TEKTL1: variants seen among roughly 807,000 people sequenced by gnomAD.
The protein encoded by TEKTL1 is tektin-like protein 1.
the TEKTL1 span, among the ~76,000 whole-genome samples, chr19:15,016,710 T>C: frequency 6.6e-6 from 1 of 152,184 alleles, no homozygotes; most frequent in Admixed American, 6.5e-5. Context: ...TCAGCAAGGG[T>C]TTTCCTCAAG....
At chr19:15,018,715 A>AAT in the TEKTL1 span, among the ~76,000 whole-genome samples, 4,800 of 68,260 alleles carry the variant, frequency 0.07, 1,143 homozygotes, top group African/African-American at 0.19. Context: ...CCTATCTCAA[A>AAT]ATATGTATAT....
the TEKTL1 span, among the ~76,000 whole-genome samples, chr19:15,021,043 C>A: frequency 3.3e-5 from 5 of 152,026 alleles, no homozygotes; most frequent in Non-Finnish European, 7.4e-5. Context: ...CCACGCCCGG[C>A]TAATTTTTGT....
At chr19:15,011,068 C>T in the TEKTL1 span, 8 of 1,575,470 alleles carry the variant, frequency 5.1e-6, no homozygotes, top group South Asian at 5.8e-5. Flanking sequence ...TCAAAGGCGG[C>T]GGCACCTTGG....
chr19:15,022,422 G>A, the TEKTL1 span, among the ~76,000 whole-genome samples: 2 of 151,994 alleles, frequency 1.3e-5, no homozygotes, highest in Admixed American at 6.6e-5. Flanking sequence ...TTCACCTCCC[G>A]GGTTCAAGCG....
At chr19:15,018,309 G>A in the TEKTL1 span, among the ~76,000 whole-genome samples, 6 of 152,114 alleles carry the variant, frequency 3.9e-5, no homozygotes, top group African/African-American at 9.7e-5. Context: ...AGCCAAGATC[G>A]CACCATTGCA....
chr19:15,018,712 C>CAA, the TEKTL1 span, among the ~76,000 whole-genome samples: 10 of 34,950 alleles, frequency 2.9e-4, 1 homozygote, highest in African/African-American at 7.7e-4. Context: ...GACCCTATCT[C>CAA]AAAATATGTA....
the TEKTL1 span, chr19:15,021,349 G>T: frequency 1.2e-6 from 2 of 1,613,616 alleles, no homozygotes; most frequent in Non-Finnish European, 1.7e-6. Flanking sequence ...CTGGGCATTT[G>T]CAGCGTGCGC....
At chr19:15,017,801 C>G in the TEKTL1 span, among the ~76,000 whole-genome samples, 1 of 152,150 alleles carries the variant, frequency 6.6e-6, no homozygotes, top group Non-Finnish European at 1.5e-5. Flanking sequence ...TCCCCTCACC[C>G]CACCCCCAAA....
chr19:15,013,913 G>C, the TEKTL1 span: 3 of 616,744 alleles, frequency 4.9e-6, no homozygotes, highest in Non-Finnish European at 8.6e-6. Context: ...ACTGCATTTT[G>C]CTTTGTGAAA....
the TEKTL1 span, among the ~76,000 whole-genome samples, chr19:15,012,105 A>G: frequency 6.7e-6 from 1 of 149,952 alleles, no homozygotes; most frequent in Non-Finnish European, 1.5e-5. Flanking sequence ...AAAAAAAAAA[A>G]TTTTTAGTGG....
At chr19:15,013,604 C>T in the TEKTL1 span, 1 of 1,226,042 alleles carries the variant, frequency 8.2e-7, no homozygotes, top group Non-Finnish European at 1.2e-6. Flanking sequence ...CCCTCTACCA[C>T]CCTGGAAAGA....
At chr19:15,011,230 C>A in the TEKTL1 span, 1 of 1,482,382 alleles carries the variant, frequency 6.7e-7, no homozygotes. Context: ...GAGCGCGCCT[C>A]ACCGCCGCCC....
the TEKTL1 span, chr19:15,022,742 C>A: frequency 8.9e-6 from 8 of 899,338 alleles, no homozygotes; most frequent in Admixed American, 3.1e-5. Flanking sequence ...TTTCCAGGCA[C>A]ACCTGGCCCA....
the TEKTL1 span, chr19:15,021,759 T>C: frequency 5.0e-6 from 8 of 1,612,148 alleles, no homozygotes; most frequent in Non-Finnish European, 6.8e-6. Flanking sequence ...GGGGTGCCGG[T>C]GGCTGGAGGC....
At chr19:15,018,732 A>ATAT in the TEKTL1 span, among the ~76,000 whole-genome samples, 26 of 78,438 alleles carry the variant, frequency 3.3e-4, no homozygotes, top group Non-Finnish European at 5.0e-4. Flanking sequence ...ATATATATAT[A>ATAT]ACTTCCCTGG....
the TEKTL1 span, among the ~76,000 whole-genome samples, chr19:15,016,072 G>A: frequency 1.3e-5 from 2 of 152,140 alleles, no homozygotes; most frequent in Non-Finnish European, 2.9e-5. Context: ...TGTTGACTGG[G>A]GGGTGGGGAG....
At chr19:15,016,209 T>TTTTTTA in the TEKTL1 span, among the ~76,000 whole-genome samples, 1 of 119,958 alleles carries the variant, frequency 8.3e-6, no homozygotes, top group African/African-American at 2.9e-5. Context: ...TTTTTTTTTT[T>TTTTTTA]GAGTTGGCTC....
chr19:15,022,743 A>G, the TEKTL1 span: 1 of 863,586 alleles, frequency 1.2e-6, no homozygotes, highest in South Asian at 2.0e-5. Flanking sequence ...TTCCAGGCAC[A>G]CCTGGCCCAT....
chr19:15,013,820 C>G, the TEKTL1 span: 1 of 1,287,880 alleles, frequency 7.8e-7, no homozygotes, highest in Non-Finnish European at 1.1e-6. Flanking sequence ...GGAGGGGGAT[C>G]CCTGGCTGCC....
Sources: gnomAD v4.1 joint callset for allele counts (sites outside exome capture counted in the v4.1 genomes callset) on GRCh38, gnomAD v4.1.1 for gene constraint, MANE v1.5 for transcripts, NCBI Gene and HGNC (gene_info 2026-07-23, HGNC 2026-07-21) for gene names.